The following EMCN variants were observed in gnomAD, a reference collection of about 807,000 sequenced individuals.
EMCN encodes the protein endomucin.
A neutral mutation model predicts 38.4 loss-of-function variants in EMCN; 37 were observed. That is an observed-to-expected ratio of 0.96 (90% CI 0.74 to 1.27). The LOEUF (loss-of-function observed/expected upper bound fraction) is 1.27. Ranked by LOEUF, EMCN falls within the 50% of genes most tolerant of loss-of-function variation. The pLI is 0.00. For synonymous variants in EMCN, 95 were observed against 100.8 expected (o/e 0.94, Z 0.35); for missense variants, 318 against 302.8 (o/e 1.05, Z -0.37).
intron 10 of EMCN, among the ~76,000 whole-genome samples, chr4:100,411,161 G>A (rs1048904568): frequency 2.6e-5 from 4 of 152,108 alleles, no homozygotes; most frequent in South Asian, 2.1e-4. Context: ...GTACCATCAC[G>A]GCAATAATAA....
chr4:100,399,478 A>G (rs984749940), intron 11 of EMCN, among the ~76,000 whole-genome samples: 1 of 152,158 alleles, frequency 6.6e-6, no homozygotes, highest in East Asian at 1.9e-4. Flanking sequence ...AAAGCAGGAC[A>G]TTGGCGGCTA....
chr4:100,495,567 A>G (rs1729187610), intron 1 of EMCN, among the ~76,000 whole-genome samples: 1 of 152,124 alleles, frequency 6.6e-6, no homozygotes, highest in Non-Finnish European at 1.5e-5. Flanking sequence ...TGCCAGAACA[A>G]TTAAATTTAC....
intron 5 of EMCN, chr4:100,446,053 C>G: frequency 1.0e-6 from 1 of 984,430 alleles, no homozygotes; most frequent in Non-Finnish European, 1.2e-6. Flanking sequence ...AATGAAGGAT[C>G]CTTCAGTCCC....
intron 1 of EMCN, chr4:100,486,976 T>C (rs1728959521): frequency 3.0e-6 from 3 of 985,208 alleles, no homozygotes; most frequent in Non-Finnish European, 1.2e-6. Context: ...TGGACTTTAG[T>C]ATAAGGAGTC....
chr4:100,457,925 T>C (rs1728063430), intron 4 of EMCN, among the ~76,000 whole-genome samples: 1 of 152,086 alleles, frequency 6.6e-6, no homozygotes, highest in East Asian at 1.9e-4. Flanking sequence ...AAGACCAGCC[T>C]GGCCAAGATG....
chr4:100,486,486 T>A (rs1488058569), intron 1 of EMCN, among the ~76,000 whole-genome samples: 2 of 152,232 alleles, frequency 1.3e-5, no homozygotes, highest in African/African-American at 4.8e-5. Flanking sequence ...AGCTAAAAAG[T>A]ATTGTAGCAA....
At chr4:100,412,713 C>T (rs1033666119) in intron 10 of EMCN, among the ~76,000 whole-genome samples, 1 of 152,134 alleles carries the variant, frequency 6.6e-6, no homozygotes, top group African/African-American at 2.4e-5. Flanking sequence ...TTCCTGAAAG[C>T]ATCTTCTTGT....
intron 1 of EMCN, among the ~76,000 whole-genome samples, chr4:100,503,308 T>G (rs1729397767): frequency 6.6e-6 from 1 of 152,138 alleles, no homozygotes; most frequent in Admixed American, 6.5e-5. Flanking sequence ...GAAATTTATT[T>G]ACTTTACATA....
At chr4:100,444,879 G>A (rs568738740) in intron 5 of EMCN, among the ~76,000 whole-genome samples, 1 of 152,220 alleles carries the variant, frequency 6.6e-6, no homozygotes, top group African/African-American at 2.4e-5. Flanking sequence ...AGACTCTGGG[G>A]AGCACCCTCA....
intron 5 of EMCN, among the ~76,000 whole-genome samples, chr4:100,441,915 T>G (rs759929019): frequency 1.3e-5 from 2 of 152,226 alleles, no homozygotes; most frequent in African/African-American, 4.8e-5. Context: ...ACACATGATT[T>G]ACACACCACT....
intron 1 of EMCN, among the ~76,000 whole-genome samples, chr4:100,516,631 C>T (rs542782314): frequency 1.3e-5 from 2 of 152,008 alleles, no homozygotes; most frequent in Non-Finnish European, 2.9e-5. Flanking sequence ...GCAACTTAAC[C>T]GCAGAAACTC....
chr4:100,411,954 T>C (rs1050340611), intron 10 of EMCN, among the ~76,000 whole-genome samples: 12 of 152,186 alleles, frequency 7.9e-5, no homozygotes, highest in Admixed American at 5.9e-4. Context: ...TCTGTGGTTT[T>C]TTTTTGTTGT....
chr4:100,502,514 T>C (rs550923374), intron 1 of EMCN, among the ~76,000 whole-genome samples: 1 of 152,216 alleles, frequency 6.6e-6, no homozygotes, highest in Non-Finnish European at 1.5e-5. Flanking sequence ...AACTCCTATA[T>C]CAATGTCCTA....
intron 11 of EMCN, among the ~76,000 whole-genome samples, chr4:100,400,353 A>ATTTTTTTTTTT (rs3214622): frequency 1.4e-5 from 2 of 146,748 alleles, no homozygotes; most frequent in African/African-American, 2.5e-5. Context: ...CCTAGGCCAC[A>ATTTTTTTTTTT]TTTTTTTTTT....
chr4:100,479,810 T>C (rs1482302722), intron 2 of EMCN, 107 bp downstream of exon 2: 4 of 954,064 alleles, frequency 4.2e-6, no homozygotes, highest in Middle Eastern at 3.4e-4. Flanking sequence ...CTGACCTTTA[T>C]AACAATCAGA....
At chr4:100,474,223 T>A (rs1455508061) in intron 3 of EMCN, 1 of 152,168 alleles carries the variant, frequency 6.6e-6, no homozygotes, top group African/African-American at 2.4e-5. Flanking sequence ...CGGACATTTT[T>A]CCAAGGACAA....
chr4:100,408,388 A>C (rs1454733274), intron 11 of EMCN, among the ~76,000 whole-genome samples: 2 of 152,162 alleles, frequency 1.3e-5, no homozygotes, highest in African/African-American at 4.8e-5. Flanking sequence ...GAGTATAGTC[A>C]GTCGGTTTCA....
intron 3 of EMCN, among the ~76,000 whole-genome samples, chr4:100,469,889 G>T (rs1208672347): frequency 6.6e-6 from 1 of 151,758 alleles, no homozygotes; most frequent in Non-Finnish European, 1.5e-5. Flanking sequence ...GTTCTTTTTT[G>T]GTTCCATATG....
intron 2 of EMCN, among the ~76,000 whole-genome samples, chr4:100,479,461 T>A (rs1274729904): frequency 6.6e-6 from 1 of 152,120 alleles, no homozygotes; most frequent in Non-Finnish European, 1.5e-5. Context: ...TGTCACTCAG[T>A]CCAGCAACAA....
Sources: gnomAD v4.1 joint callset for allele counts (sites outside exome capture counted in the v4.1 genomes callset) on GRCh38, gnomAD v4.1.1 for gene constraint, MANE v1.5 for transcripts, NCBI Gene and HGNC (gene_info 2026-07-23, HGNC 2026-07-21) for gene names.